CDKAL1: variants seen among roughly 807,000 people sequenced by gnomAD.
CDKAL1 encodes CDKAL1 threonylcarbamoyladenosine tRNA methylthiotransferase.
In CDKAL1, 32 loss-of-function variants were observed where a neutral mutation model predicts 68.2. The observed-to-expected ratio is 0.47, with a 90% confidence interval of 0.35 to 0.63. CDKAL1 has a LOEUF of 0.63. CDKAL1 is among the 30% of genes least tolerant of loss of function. The pLI, the probability that CDKAL1 is intolerant of heterozygous loss-of-function variation, is 0.00. For synonymous variants in CDKAL1, 234 were observed against 244.3 expected (o/e 0.96, Z 0.39); for missense variants, 606 against 696.7 (o/e 0.87, Z 1.47).
At chr6:21,028,886 C>T (rs1769104057) in intron 11 of CDKAL1, among the ~76,000 whole-genome samples, 1 of 152,166 alleles carries the variant, frequency 6.6e-6, no homozygotes, top group African/African-American at 2.4e-5. Flanking sequence ...ATTCCCTTCT[C>T]CAAGCAAACA....
At chr6:20,877,841 C>T (rs115459994) in intron 9 of CDKAL1, among the ~76,000 whole-genome samples, 5 of 152,298 alleles carry the variant, frequency 3.3e-5, no homozygotes, top group Non-Finnish European at 7.4e-5. Flanking sequence ...ATCCTAGCCC[C>T]TTAGGCTGGG....
intron 5 of CDKAL1, among the ~76,000 whole-genome samples, chr6:20,700,379 A>T (rs1771293918): frequency 6.6e-6 from 1 of 152,040 alleles, no homozygotes; most frequent in African/African-American, 2.4e-5. Context: ...AAAATAAATA[A>T]AAGTTAAACT....
At chr6:20,713,172 C>T (rs1391552426) in intron 5 of CDKAL1, among the ~76,000 whole-genome samples, 1 of 152,136 alleles carries the variant, frequency 6.6e-6, no homozygotes, top group Non-Finnish European at 1.5e-5. Context: ...TAATGCAAAG[C>T]ATATACCTGG....
At chr6:20,708,938 T>C (rs1251966385) in intron 5 of CDKAL1, among the ~76,000 whole-genome samples, 9 of 152,160 alleles carry the variant, frequency 5.9e-5, no homozygotes, top group South Asian at 2.1e-4. Context: ...TAGTCAAACA[T>C]TGGTCATGAT....
intron 9 of CDKAL1, among the ~76,000 whole-genome samples, chr6:20,866,443 G>A (rs1759911982): frequency 6.6e-6 from 1 of 151,780 alleles, no homozygotes; most frequent in South Asian, 2.1e-4. Flanking sequence ...AATACACTCA[G>A]AAAAAAAACT....
chr6:21,167,717 T>C (rs1178594754), intron 13 of CDKAL1, among the ~76,000 whole-genome samples: 2 of 152,216 alleles, frequency 1.3e-5, no homozygotes. Context: ...TGGATGGCCA[T>C]GTGACAGTAC....
At position 21,159,389 on chromosome 6, in the gene CDKAL1, A is replaced by G. The variant is rs115963200; in HGVS notation, c.1300-38632A>G. On this transcript the variant is annotated intron_variant, in intron 13 of 15. Transcript: ENST00000274695. Reference sequence around the variant, plus strand: ...AAGTTGCCTTCTGACTGGTCCCTCCATACCCATTCTTGTTCCTCTCTCGAA... The same window carrying G: ...AAGTTGCCTTCTGACTGGTCCCTCCGTACCCATTCTTGTTCCTCTCTCGAA... Among the ~76,000 whole-genome samples the G allele has an allele frequency of 1.2e-4, 18 of 152,216 alleles. 1 individual carries two copies. Among genetic ancestry groups the G allele is most frequent in the Admixed American group, 9.2e-4 (14 of 15,284 alleles).
chr6:21,180,659 C>T (rs1777754170), intron 13 of CDKAL1, among the ~76,000 whole-genome samples: 1 of 151,956 alleles, frequency 6.6e-6, no homozygotes, highest in South Asian at 2.1e-4. Context: ...TATGAGTCAC[C>T]CTTAAGGCTA....
intron 10 of CDKAL1, among the ~76,000 whole-genome samples, chr6:20,960,916 A>G (rs962167140): frequency 6.6e-6 from 1 of 152,210 alleles, no homozygotes; most frequent in Non-Finnish European, 1.5e-5. Context: ...TTGTATGATT[A>G]TCGAATTTGT....
intron 8 of CDKAL1, among the ~76,000 whole-genome samples, chr6:20,784,146 G>A (rs1775553758): frequency 6.6e-6 from 1 of 151,448 alleles, no homozygotes; most frequent in Admixed American, 6.6e-5. Flanking sequence ...CTGGGTGGCA[G>A]AGGTTGCAGT....
chr6:20,918,401 T>A (rs1762810239), intron 9 of CDKAL1, among the ~76,000 whole-genome samples: 1 of 152,196 alleles, frequency 6.6e-6, no homozygotes, highest in African/African-American at 2.4e-5. Context: ...TGGTTATTTT[T>A]AAAAAAGAAA....
chr6:21,088,271 G>C (rs1196282380), intron 12 of CDKAL1, among the ~76,000 whole-genome samples: 1 of 152,126 alleles, frequency 6.6e-6, no homozygotes, highest in Non-Finnish European at 1.5e-5. Flanking sequence ...GGGAAAGAAG[G>C]GCAAGAGACC....
Position 20,893,238 on chromosome 6 carries a change from A to T in CDKAL1, c.742+47060A>T, listed in dbSNP as rs949953698. Among the ~76,000 whole-genome samples, 5 of 152,320 alleles carry T rather than the reference A, an allele frequency of 3.3e-5. No homozygotes were observed. In the South Asian group the frequency reaches 8.3e-4, roughly 25 times the overall value. ...GGGTTTTGACTGGAGTCAGTTAGAT[A>T]ATCATGATTCATTCAAGTTGCTGCA... On this transcript the variant is annotated intron_variant, in intron 9 of 15. Transcript: ENST00000274695.
intron 9 of CDKAL1, among the ~76,000 whole-genome samples, chr6:20,916,151 C>A (rs1007332211): frequency 1.3e-5 from 2 of 152,114 alleles, no homozygotes; most frequent in African/African-American, 4.8e-5. Context: ...ATTTATAGAA[C>A]CACAGTCCCT....
intron 4 of CDKAL1, among the ~76,000 whole-genome samples, chr6:20,591,169 C>T (rs916243474): frequency 6.6e-6 from 1 of 152,088 alleles, no homozygotes; most frequent in Non-Finnish European, 1.5e-5. Context: ...TGAGAAGTGT[C>T]CGTTCATATT....
chr6:20,820,335 A>G (rs1198268904), intron 8 of CDKAL1, among the ~76,000 whole-genome samples: 1 of 152,082 alleles, frequency 6.6e-6, no homozygotes. Context: ...ATGAACACCT[A>G]TACTGTTTGA....
Position 20,589,862 on chromosome 6 carries a change from A to G in CDKAL1, c.286+41157A>G, listed in dbSNP as rs552655142. Among the ~76,000 whole-genome samples, 3 of 152,274 alleles carry G rather than the reference A, an allele frequency of 2.0e-5. No homozygotes were observed. The South Asian group carries it at 6.2e-4, about 32-fold the overall frequency. ...AAAATTGCATTGCTTTATTTTAAGGATTAGAGAAATGGTAGTGCACGGGTT... is the reference window on the plus strand; with the variant it reads ...AAAATTGCATTGCTTTATTTTAAGGGTTAGAGAAATGGTAGTGCACGGGTT... On this transcript the variant is annotated intron_variant, in intron 4 of 15. Transcript: ENST00000274695.
chr6:21,152,855 G>A (rs907492827), intron 13 of CDKAL1, among the ~76,000 whole-genome samples: 5 of 152,168 alleles, frequency 3.3e-5, no homozygotes, highest in Admixed American at 2.0e-4. Flanking sequence ...GCAGATCCAA[G>A]GAAGGAGTAC....
chr6:20,673,944 A>G (rs1373819846), intron 5 of CDKAL1, among the ~76,000 whole-genome samples: 2 of 152,038 alleles, frequency 1.3e-5, no homozygotes, highest in East Asian at 3.8e-4. Flanking sequence ...ACCTTGTTGT[A>G]GTTATTCCTT....
Sources: allele counts gnomAD v4.1 joint callset (sites outside exome capture counted in the v4.1 genomes callset), GRCh38; gene constraint gnomAD v4.1.1; transcripts MANE v1.5; gene names NCBI Gene and HGNC (gene_info 2026-07-23, HGNC 2026-07-21).